The following LRP1B variants were observed in gnomAD, a reference collection of about 807,000 sequenced individuals.
The protein encoded by LRP1B is LDL receptor related protein 1B.
A neutral mutation model predicts 556.6 loss-of-function variants in LRP1B; 217 were observed. The ratio of observed to expected loss-of-function variants is 0.39; its 90% CI spans 0.35 to 0.44. The LOEUF (loss-of-function observed/expected upper bound fraction) is 0.44. Ranked by LOEUF, LRP1B falls within the 20% of genes least tolerant of loss-of-function variation. The pLI is 1.00. For missense variants in LRP1B, 5,053 were observed against 5,620.8 expected (o/e 0.90, Z 3.23); for synonymous variants, 2,047 against 1,865.8 (o/e 1.10, Z -2.50).
At chr2:140,623,943 A>T (rs1460506291) in intron 41 of LRP1B, among the ~76,000 whole-genome samples, 1 of 33,330 alleles carries the variant, frequency 3.0e-5, no homozygotes, top group Non-Finnish European at 6.4e-5. Context: ...AATATATATT[A>T]TATTTTATTT....
chr2:141,331,993 C>G (rs1687673733), intron 3 of LRP1B, among the ~76,000 whole-genome samples: 1 of 152,130 alleles, frequency 6.6e-6, no homozygotes, highest in East Asian at 1.9e-4. Flanking sequence ...GGTCATCCTA[C>G]TCTGTGAACT....
intron 66 of LRP1B, among the ~76,000 whole-genome samples, chr2:140,396,791 T>C (rs754304801): frequency 1.3e-5 from 2 of 152,218 alleles, no homozygotes; most frequent in African/African-American, 4.8e-5. Context: ...ATTTTATTAT[T>C]TTGTACTTCA....
At chr2:140,718,845 G>C (rs985592438) in intron 35 of LRP1B, among the ~76,000 whole-genome samples, 1 of 148,198 alleles carries the variant, frequency 6.7e-6, no homozygotes, top group Non-Finnish European at 1.5e-5. Flanking sequence ...CAGTACAAGA[G>C]TCTTCACATA....
intron 3 of LRP1B, among the ~76,000 whole-genome samples, chr2:141,300,742 G>A (rs1686361632): frequency 6.6e-6 from 1 of 152,144 alleles, no homozygotes; most frequent in Admixed American, 6.6e-5. Context: ...CACCATGATT[G>A]TGAGTTTCCT....
rs183275962 is a variant in LRP1B at position 140,453,901 on chromosome 2, A to G, written c.9963+2554T>C. 5.5e-3 allele frequency among the ~76,000 whole-genome samples: 831 copies of G among 152,330 alleles called. 16 individuals are homozygous for G. Among genetic ancestry groups the G allele is most frequent in the Non-Finnish European group, 4.7e-3 (322 of 68,032 alleles). On this transcript the variant is annotated intron_variant, in intron 62 of 90. Coordinates refer to ENST00000389484, the MANE Select transcript of LRP1B (RefSeq NM_018557.3). ...AATAAATTAAGAATGCAAAATTTTC[A>G]TCAGGATGCTTACTAGCATGATTCT...
intron 11 of LRP1B, among the ~76,000 whole-genome samples, chr2:141,044,733 C>G (rs1698815373): frequency 6.7e-6 from 1 of 149,208 alleles, no homozygotes; most frequent in Non-Finnish European, 1.5e-5. Context: ...CCATCTCACA[C>G]CAGTTAGAAT....
At chr2:140,966,361 T>G (rs556849714) in intron 18 of LRP1B, among the ~76,000 whole-genome samples, 5 of 152,378 alleles carry the variant, frequency 3.3e-5, no homozygotes, top group South Asian at 4.1e-4. Context: ...TTTTGAGAAG[T>G]GTCTGTTCAT....
At chr2:140,747,402 C>CGAAA (rs1688354080) in intron 35 of LRP1B, among the ~76,000 whole-genome samples, 1 of 152,150 alleles carries the variant, frequency 6.6e-6, no homozygotes, top group Admixed American at 6.6e-5. Flanking sequence ...TGAACTTTTT[C>CGAAA]ACATGTCAGT....
At chr2:142,086,661 C>T (rs1483422177) in intron 1 of LRP1B, among the ~76,000 whole-genome samples, 4 of 151,464 alleles carry the variant, frequency 2.6e-5, no homozygotes. Flanking sequence ...CACAACTTGT[C>T]TCCAGCAGCT....
At chr2:140,408,552 A>G (rs1684844697) in intron 66 of LRP1B, among the ~76,000 whole-genome samples, 1 of 151,906 alleles carries the variant, frequency 6.6e-6, no homozygotes, top group Non-Finnish European at 1.5e-5. Flanking sequence ...AGAGAAATGA[A>G]GTACTACAGA....
chr2:140,745,519 C>G (rs1210204790), intron 35 of LRP1B, among the ~76,000 whole-genome samples: 1 of 152,062 alleles, frequency 6.6e-6, no homozygotes, highest in Non-Finnish European at 1.5e-5. Context: ...ATGACTATCC[C>G]CAAAACAAGT....
At chr2:141,013,282 C>G (rs1199168646) in intron 14 of LRP1B, among the ~76,000 whole-genome samples, 1 of 151,848 alleles carries the variant, frequency 6.6e-6, no homozygotes, top group Non-Finnish European at 1.5e-5. Flanking sequence ...AACTAATAGC[C>G]TTCTTCAATG....
At chr2:141,142,511 G>A (rs193201114) in intron 7 of LRP1B, among the ~76,000 whole-genome samples, 1 of 152,168 alleles carries the variant, frequency 6.6e-6, no homozygotes, top group Admixed American at 6.5e-5. Flanking sequence ...AGAAAATTAT[G>A]GTATCTGCCT....
At chr2:141,353,023 A>G (rs1484853141) in intron 3 of LRP1B, among the ~76,000 whole-genome samples, 1 of 152,000 alleles carries the variant, frequency 6.6e-6, no homozygotes, top group East Asian at 1.9e-4. Flanking sequence ...TTGACTACAG[A>G]AGACTGGTTA....
intron 2 of LRP1B, among the ~76,000 whole-genome samples, chr2:141,791,044 C>CTGTTTTTTTAAAAAG (rs1267649783): frequency 6.7e-5 from 10 of 148,692 alleles, no homozygotes; most frequent in African/African-American, 2.3e-4. Context: ...AAGTGAAGTT[C>CTGTTTTTTTAAAAAG]TGTTTTTTTA....
intron 79 of LRP1B, among the ~76,000 whole-genome samples, chr2:140,328,833 C>G (rs766579557): frequency 1.6e-4 from 25 of 151,924 alleles, no homozygotes; most frequent in Non-Finnish European, 2.7e-4. Flanking sequence ...ACACACACAT[C>G]TATTTATGAC....
chr2:140,955,470 C>T (rs1695845104), intron 18 of LRP1B, among the ~76,000 whole-genome samples: 1 of 151,702 alleles, frequency 6.6e-6, no homozygotes, highest in South Asian at 2.1e-4. Flanking sequence ...GCAAGAATTA[C>T]CTGATTAACT....
intron 1 of LRP1B, among the ~76,000 whole-genome samples, chr2:142,117,198 A>G (rs2105006091): frequency 6.6e-6 from 1 of 152,218 alleles, no homozygotes; most frequent in East Asian, 1.9e-4. Context: ...ACTTTCAGAA[A>G]CATGATCCCA....
At chr2:141,248,705 C>T (rs543954173) in intron 4 of LRP1B, among the ~76,000 whole-genome samples, 2 of 152,268 alleles carry the variant, frequency 1.3e-5, no homozygotes, top group Admixed American at 1.3e-4. Flanking sequence ...CTGTACATTA[C>T]ACATTGGCAT....
Sources: gnomAD v4.1 joint callset for allele counts (sites outside exome capture counted in the v4.1 genomes callset) on GRCh38, gnomAD v4.1.1 for gene constraint, MANE v1.5 for transcripts, NCBI Gene and HGNC (gene_info 2026-07-23, HGNC 2026-07-21) for gene names.